Variants in PCDHGB3 observed in about 807,000 individuals in gnomAD.
PCDHGB3 encodes protocadherin gamma-B3.
A neutral mutation model predicts 59.2 loss-of-function variants in PCDHGB3; 40 were observed. The observed-to-expected ratio is 0.68, with a 90% confidence interval of 0.52 to 0.88. PCDHGB3 has a LOEUF of 0.88. Ranked by LOEUF, PCDHGB3 falls within the 40% of genes least tolerant of loss-of-function variation. The pLI, the probability that PCDHGB3 is intolerant of heterozygous loss-of-function variation, is 0.00. For synonymous variants in PCDHGB3, 581 were observed against 503.6 expected (o/e 1.15, Z -2.06); for missense variants, 1,309 against 1,187.9 (o/e 1.10, Z -1.50).
At chr5:141,402,212 A>C (rs1282581389) in intron 1 of PCDHGB3, among the ~76,000 whole-genome samples, 1 of 152,138 alleles carries the variant, frequency 6.6e-6, no homozygotes, top group Non-Finnish European at 1.5e-5. Flanking sequence ...ACAAAAATTT[A>C]AAATAAACGT....
intron 3 of PCDHGB3, among the ~76,000 whole-genome samples, chr5:141,510,244 G>A (rs549784078): frequency 6.6e-6 from 1 of 151,116 alleles, no homozygotes; most frequent in African/African-American, 2.4e-5. Flanking sequence ...CTGCACTCCA[G>A]GCTGGGCGAC....
rs750139205 is a variant in PCDHGB3 at position 141,489,738 on chromosome 5, T to C, written c.2416-5069T>C. Reference sequence around the variant, plus strand: ...AGGATCCGGATGTGGGCACCAATACTGTGAGCTTTTACACTCTAAGCCCCA... The same window carrying C: ...AGGATCCGGATGTGGGCACCAATACCGTGAGCTTTTACACTCTAAGCCCCA... On this transcript the variant is annotated intron_variant, in intron 1 of 3. Coordinates refer to ENST00000576222, the MANE Select transcript of PCDHGB3 (RefSeq NM_018924.5). This position sits in a 1 kb window ranked among gnomAD's most constrained non-coding sequence, Gnocchi z 4.5. 1 of 1,614,168 alleles carries C rather than the reference T, an allele frequency of 6.2e-7. No individual in the cohort carries two copies. Among genetic ancestry groups the C allele is most frequent in the Non-Finnish European group, 8.5e-7 (1 of 1,180,030 alleles).
chr5:141,434,455 G>A (rs2097695575), intron 1 of PCDHGB3, among the ~76,000 whole-genome samples: 1 of 152,192 alleles, frequency 6.6e-6, no homozygotes, highest in Admixed American at 6.5e-5. Context: ...GAAGGTAGTG[G>A]GTTTACCGGA....
At chr5:141,409,262 G>A (rs768196825) in intron 1 of PCDHGB3, 2 of 1,613,834 alleles carry the variant, frequency 1.2e-6, no homozygotes, top group African/African-American at 2.7e-5. Flanking sequence ...TTCTCTCTCT[G>A]ATCAGATTTT....
chr5:141,422,400 G>A (rs1207332302), intron 1 of PCDHGB3: 3 of 1,598,664 alleles, frequency 1.9e-6, no homozygotes, highest in South Asian at 2.3e-5. Context: ...CTAACCACCT[G>A]CCTTTTAAAT....
chr5:141,423,323 C>A (rs200492485), intron 1 of PCDHGB3: 91 of 1,614,146 alleles, frequency 5.6e-5, no homozygotes, highest in Non-Finnish European at 4.2e-6. Flanking sequence ...GTGGCGGTGG[C>A]CGCAGTCTCC....
chr5:141,384,922 C>T, intron 1 of PCDHGB3: 1 of 1,614,018 alleles, frequency 6.2e-7, no homozygotes, highest in Non-Finnish European at 8.5e-7. Context: ...CTTGGCCGAC[C>T]TGGGCAGCCT....
chr5:141,418,980 A>T, intron 1 of PCDHGB3: 1 of 1,614,004 alleles, frequency 6.2e-7, no homozygotes. Flanking sequence ...ACACGGGACC[A>T]AGACTCAGGG....
intron 1 of PCDHGB3, chr5:141,428,009 A>G (rs778602169): frequency 3.7e-6 from 6 of 1,602,358 alleles, no homozygotes; most frequent in African/African-American, 2.7e-5. Context: ...TCTTCGATAT[A>G]GTGCCACGCG....
chr5:141,394,321 C>G (rs11575959), intron 1 of PCDHGB3: 43,282 of 1,613,954 alleles, frequency 0.027, 850 homozygotes, highest in African/African-American at 0.092. Flanking sequence ...CCCCTGTCCT[C>G]GTATATCTCC....
chr5:141,430,926 C>A (rs145535410), intron 1 of PCDHGB3: 4 of 1,607,308 alleles, frequency 2.5e-6, no homozygotes, highest in African/African-American at 1.3e-5. Context: ...GGGCTGGAGC[C>A]CCGGGAGCTC....
At chr5:141,387,700 G>A (rs1303500403) in intron 1 of PCDHGB3, 1 of 933,942 alleles carries the variant, frequency 1.1e-6, no homozygotes, top group Non-Finnish European at 1.6e-6. Context: ...CGCTTTCCAG[G>A]GCAGCCCCAG....
chr5:141,427,995 G>C (rs1292989797), intron 1 of PCDHGB3: 2 of 1,599,590 alleles, frequency 1.3e-6, no homozygotes, highest in African/African-American at 2.7e-5. Flanking sequence ...CGATGGCTCC[G>C]CACTCTTCGA....
intron 1 of PCDHGB3, chr5:141,427,310 C>A (rs989300491): frequency 2.2e-5 from 10 of 456,738 alleles, no homozygotes; most frequent in African/African-American, 1.8e-4. Flanking sequence ...ATGACAATGC[C>A]CCAGACGTGG....
At chr5:141,423,123 A>C in intron 1 of PCDHGB3, 1 of 1,613,760 alleles carries the variant, frequency 6.2e-7, no homozygotes. Flanking sequence ...CAGCGCGGGC[A>C]CTGCTGGACA....
intron 2 of PCDHGB3, among the ~76,000 whole-genome samples, chr5:141,499,445 C>A (rs904360147): frequency 1.3e-5 from 2 of 152,062 alleles, no homozygotes; most frequent in African/African-American, 4.8e-5. Flanking sequence ...AAAGGAAAAC[C>A]ACCCATCATT....
intron 1 of PCDHGB3, chr5:141,479,209 A>T (rs1314929824): frequency 6.6e-6 from 1 of 152,432 alleles, no homozygotes; most frequent in African/African-American, 2.4e-5. Context: ...AAAAGTATTT[A>T]AAAAATTAAA....
chr5:141,453,050 C>A (rs2098754757), intron 1 of PCDHGB3, among the ~76,000 whole-genome samples: 3 of 152,006 alleles, frequency 2.0e-5, no homozygotes, highest in Non-Finnish European at 4.4e-5. Context: ...CTATTATGTG[C>A]AGTTTTAGAG....
At chr5:141,389,146 C>G (rs567517174) in intron 1 of PCDHGB3, 2 of 1,613,996 alleles carry the variant, frequency 1.2e-6, no homozygotes, top group Non-Finnish European at 1.7e-6. Context: ...ATAACCGTTA[C>G]GGCAACAGAT....
Sources: gnomAD v4.1 joint callset for allele counts (sites outside exome capture counted in the v4.1 genomes callset) on GRCh38, gnomAD v4.1.1 for gene constraint, Gnocchi (gnomAD v3.1) non-coding constraint, MANE v1.5 for transcripts, NCBI Gene and HGNC (gene_info 2026-07-23, HGNC 2026-07-21) for gene names.